Variants in COL4A1 observed in about 807,000 individuals in gnomAD.
COL4A1 encodes collagen type IV alpha 1 chain, also known as collagen alpha-1(IV) chain.
In COL4A1, 40 loss-of-function variants were observed where a neutral mutation model predicts 216.6. The ratio of observed to expected loss-of-function variants is 0.18; its 90% CI spans 0.14 to 0.24. COL4A1 has a LOEUF of 0.24. COL4A1 is among the 10% of genes least tolerant of loss of function. The pLI, the probability that COL4A1 is intolerant of heterozygous loss-of-function variation, is 1.00. For missense variants in COL4A1, 1,628 were observed against 2,196.8 expected (o/e 0.74, Z 5.18); for synonymous variants, 839 against 810.7 (o/e 1.03, Z -0.59).
intron 40 of COL4A1, 106 bp from the exon 41 acceptor site, chr13:110,172,876 G>A (rs1212132605): frequency 4.5e-6 from 4 of 898,632 alleles, no homozygotes; most frequent in Non-Finnish European, 7.5e-6. Flanking sequence ...GTATATTGTG[G>A]AGTACATAGA....
intron 1 of COL4A1, among the ~76,000 whole-genome samples, chr13:110,293,570 G>C (rs2139314666): frequency 6.6e-6 from 1 of 152,300 alleles, no homozygotes; most frequent in South Asian, 2.1e-4. Flanking sequence ...TGGCAGATAG[G>C]CTCAGATACA....
chr13:110,274,676 G>A (rs1411807502), intron 1 of COL4A1, among the ~76,000 whole-genome samples: 1 of 152,160 alleles, frequency 6.6e-6, no homozygotes, highest in Non-Finnish European at 1.5e-5. Flanking sequence ...GGAGTGTCAG[G>A]AAAAGAAACC....
chr13:110,228,127 C>T (rs1355991549), intron 2 of COL4A1, among the ~76,000 whole-genome samples: 1 of 151,632 alleles, frequency 6.6e-6, no homozygotes, highest in African/African-American at 2.4e-5. Context: ...GGGACCATCG[C>T]GGAGCACCTG....
At chr13:110,241,606 T>C (rs1385426842) in intron 2 of COL4A1, among the ~76,000 whole-genome samples, 3 of 152,164 alleles carry the variant, frequency 2.0e-5, no homozygotes. Flanking sequence ...TGAAGATAAA[T>C]TAGAGTTGAT....
chr13:110,246,976 G>A (rs679097), intron 1 of COL4A1, among the ~76,000 whole-genome samples: 103,050 of 151,948 alleles, frequency 0.68, 35,411 homozygotes, highest in East Asian at 0.91. Flanking sequence ...AAAGAAAGGC[G>A]GGGGTCTCGG....
intron 36 of COL4A1, among the ~76,000 whole-genome samples, chr13:110,175,787 G>A (rs1877854312): frequency 1.3e-5 from 2 of 152,202 alleles, no homozygotes; most frequent in Admixed American, 6.5e-5. Flanking sequence ...CTGGTAGCCA[G>A]GCTTATTCAC....
At chr13:110,185,067 C>T (rs982568145) in intron 26 of COL4A1, among the ~76,000 whole-genome samples, 2 of 152,220 alleles carry the variant, frequency 1.3e-5, no homozygotes, top group African/African-American at 4.8e-5. Context: ...AGCACACTTG[C>T]GAGCCAGAAC....
At chr13:110,203,697 G>A (rs1456104923) in intron 17 of COL4A1, 90 bp from the exon 18 acceptor site, 2 of 1,350,978 alleles carry the variant, frequency 1.5e-6, no homozygotes, top group Non-Finnish European at 2.1e-6. Flanking sequence ...TGGTAAAATA[G>A]AGTGTGCCTA....
chr13:110,253,060 TTAC>T lies in COL4A1; in HGVS notation c.85-10329_85-10327del, dbSNP rs1318435657. ...ACATATAACTATAAGTACGTATGTA[TTAC>T]ATATACATATAACTATAAGTACGTA... On this transcript the variant is annotated intron_variant, in intron 1 of 51. Transcript: ENST00000375820. Among the ~76,000 whole-genome samples the T allele has an allele frequency of 2.1e-4, 18 of 87,108 alleles. 6 individuals carry two copies. The highest frequency in any genetic ancestry group is 3.6e-4 in the East Asian group (1 of 2,788). The allele number at this position is 87,108 out of a possible 152,430, so 57.1% of individuals were successfully genotyped here.
chr13:110,307,059 G>A lies in COL4A1; in HGVS notation c.-32C>T. ...GCGCCCGAGGCGGCGAGGGACGGCTGCCCGGCGTGCGGGGGCCGCGGCGGA... is the reference window on the plus strand; with the variant it reads ...GCGCCCGAGGCGGCGAGGGACGGCTACCCGGCGTGCGGGGGCCGCGGCGGA... On this transcript the variant is annotated 5_prime_UTR_variant, in exon 1 of 52. Coordinates refer to ENST00000375820, the MANE Select transcript of COL4A1 (RefSeq NM_001845.6). The surrounding 1 kb of genome is among the most constrained non-coding windows in gnomAD (Gnocchi z 5.0). The A allele has an allele frequency of 7.0e-7, 1 of 1,432,690 alleles. No homozygotes were observed. The highest frequency in any genetic ancestry group is 9.1e-7 in the Non-Finnish European group (1 of 1,095,818). 88.7% of individuals were successfully genotyped at this position (1,432,690 alleles called of 1,614,324 possible). A position where few individuals can be genotyped will look rare whatever the true frequency, so the allele number is the denominator to read the frequency against.
chr13:110,219,089 G>C (rs991842700), intron 2 of COL4A1, among the ~76,000 whole-genome samples: 1 of 152,082 alleles, frequency 6.6e-6, no homozygotes, highest in Admixed American at 6.5e-5. Flanking sequence ...TGGGTGCCGC[G>C]GGGTCATGGA....
At chr13:110,204,194 T>C (rs921098589) in intron 17 of COL4A1, among the ~76,000 whole-genome samples, 5 of 152,132 alleles carry the variant, frequency 3.3e-5, no homozygotes, top group African/African-American at 1.2e-4. Flanking sequence ...CAAATATTTT[T>C]ATATAAACGT....
At chr13:110,298,292 G>A (rs1884355858) in intron 1 of COL4A1, among the ~76,000 whole-genome samples, 2 of 152,200 alleles carry the variant, frequency 1.3e-5, no homozygotes, top group South Asian at 4.1e-4. Flanking sequence ...AAAAGCATCT[G>A]GCGCTAGCAT....
chr13:110,217,521 G>A (rs1880149459), intron 2 of COL4A1, among the ~76,000 whole-genome samples: 1 of 152,248 alleles, frequency 6.6e-6, no homozygotes, highest in Admixed American at 6.5e-5. Context: ...TTCATGTCAG[G>A]CAAAAATGAA....
chr13:110,275,110 AAGAGAATGGAAATACAAGCCACAGAAAAT>A (rs1883382223), intron 1 of COL4A1, among the ~76,000 whole-genome samples: 2 of 152,252 alleles, frequency 1.3e-5, no homozygotes, highest in African/African-American at 4.8e-5. Context: ...AAAGACATTC[AAGAGAATGGAAATACAAGCCACAGAAAAT>A]ATTTGCAAAA....
At chr13:110,277,261 C>T (rs572895193) in intron 1 of COL4A1, among the ~76,000 whole-genome samples, 2 of 152,284 alleles carry the variant, frequency 1.3e-5, no homozygotes, top group African/African-American at 2.4e-5. Context: ...CATTTCATTT[C>T]TGTGTAGCCA....
At chr13:110,210,999 T>C (rs936631527) in intron 8 of COL4A1, among the ~76,000 whole-genome samples, 1 of 152,160 alleles carries the variant, frequency 6.6e-6, no homozygotes, top group Non-Finnish European at 1.5e-5. Context: ...CACACACACA[T>C]GCTCCTGGTT....
chr13:110,157,033 G>A (rs1465209206), intron 49 of COL4A1, among the ~76,000 whole-genome samples: 2 of 152,208 alleles, frequency 1.3e-5, no homozygotes, highest in African/African-American at 4.8e-5. Flanking sequence ...AATACAGCCT[G>A]GAGGGAAGGG....
intron 33 of COL4A1, 41 bp downstream of exon 33, chr13:110,177,801 A>G: frequency 6.2e-7 from 1 of 1,601,996 alleles, no homozygotes; most frequent in South Asian, 1.1e-5. Flanking sequence ...GCATCGAGAA[A>G]TAGACACAAA....
Sources: allele counts gnomAD v4.1 joint callset (sites outside exome capture counted in the v4.1 genomes callset), GRCh38; gene constraint gnomAD v4.1.1; non-coding constraint Gnocchi (gnomAD v3.1); transcripts MANE v1.5; gene names NCBI Gene and HGNC (gene_info 2026-07-23, HGNC 2026-07-21).